The following CPNE4 variants were observed in gnomAD, a reference collection of about 807,000 sequenced individuals.
CPNE4 encodes copine-4.
Under a neutral mutation model 67.9 loss-of-function variants are expected in CPNE4, and 25 were observed. That is an observed-to-expected ratio of 0.37 (90% CI 0.27 to 0.51). The LOEUF (loss-of-function observed/expected upper bound fraction) is 0.51. CPNE4 is among the 20% of genes least tolerant of loss of function. CPNE4 has a pLI of 0.93. For missense variants in CPNE4, 464 were observed against 690.8 expected (o/e 0.67, Z 3.68); for synonymous variants, 242 against 244.9 (o/e 0.99, Z 0.11).
upstream of CPNE4, among the ~76,000 whole-genome samples, chr3:132,037,093 A>G (rs1404133066): frequency 6.6e-6 from 1 of 152,240 alleles, no homozygotes; most frequent in Non-Finnish European, 1.5e-5. Context: ...GAACACATGG[A>G]CCATAGAAAA....
intron 6 of CPNE4, among the ~76,000 whole-genome samples, chr3:131,685,618 C>T (rs946368480): frequency 5.9e-5 from 9 of 152,088 alleles, no homozygotes; most frequent in Non-Finnish European, 1.3e-4. Context: ...CCCATCTCTA[C>T]TAAAAATACA....
intron 2 of CPNE4, among the ~76,000 whole-genome samples, chr3:131,798,060 A>T (rs1239590283): frequency 6.6e-6 from 1 of 152,130 alleles, no homozygotes; most frequent in Non-Finnish European, 1.5e-5. Context: ...TTATAAGGGC[A>T]CCAGCCCTAT....
At chr3:131,986,747 T>A (rs1270917205) in intron 1 of CPNE4, among the ~76,000 whole-genome samples, 1 of 150,450 alleles carries the variant, frequency 6.6e-6, no homozygotes, top group East Asian at 2.0e-4. Context: ...ATATAAAAAA[T>A]TAGAAGCCGG....
chr3:132,002,959 GAGT>G (rs2073494707), intron 1 of CPNE4, among the ~76,000 whole-genome samples: 1 of 152,072 alleles, frequency 6.6e-6, no homozygotes, highest in African/African-American at 2.4e-5. Flanking sequence ...CCTGGAACCT[GAGT>G]AGAAATGCAG....
chr3:131,655,107 T>G (rs1189872735), intron 7 of CPNE4, among the ~76,000 whole-genome samples: 6 of 152,124 alleles, frequency 3.9e-5, no homozygotes. Context: ...GATGGGTGAA[T>G]TGAGGGAAAT....
At chr3:131,656,394 C>G (rs17358804) in intron 7 of CPNE4, among the ~76,000 whole-genome samples, 1 of 151,904 alleles carries the variant, frequency 6.6e-6, no homozygotes, top group Non-Finnish European at 1.5e-5. Flanking sequence ...TCACTAGCAT[C>G]GATATATGTG....
At chr3:131,842,746 A>AAAAAAAAAAAAAAAAG (rs1553784371) in intron 2 of CPNE4, among the ~76,000 whole-genome samples, 1 of 149,702 alleles carries the variant, frequency 6.7e-6, no homozygotes, top group Non-Finnish European at 1.5e-5. Context: ...AAAAAAAAAA[A>AAAAAAAAAAAAAAAAG]AAAGAAAAAG....
chr3:131,779,529 A>G (rs543105808), intron 2 of CPNE4, among the ~76,000 whole-genome samples: 53 of 152,252 alleles, frequency 3.5e-4, no homozygotes, highest in Non-Finnish European at 7.1e-4. Flanking sequence ...AAATAAAGCC[A>G]TACACCTACA....
At chr3:131,980,472 C>T (rs2072877839) in intron 1 of CPNE4, among the ~76,000 whole-genome samples, 1 of 152,016 alleles carries the variant, frequency 6.6e-6, no homozygotes, top group Non-Finnish European at 1.5e-5. Flanking sequence ...TTTTCTTCTA[C>T]TTGTTCAATT....
Position 131,718,465 on chromosome 3 carries a change from G to A in CPNE4, c.360+4981C>T, listed in dbSNP as rs73220434. Among the ~76,000 whole-genome samples the A allele has an allele frequency of 9.3e-3, 1,421 of 152,196 alleles. 10 individuals carry two copies. Among genetic ancestry groups the A allele is most frequent in the Non-Finnish European group, 0.015 (1,045 of 68,010 alleles). On this transcript the variant is annotated intron_variant, in intron 3 of 15. Coordinates refer to ENST00000429747, the MANE Select transcript of CPNE4 (RefSeq NM_130808.3). ...CATCCTCACTTGACCGCTCACCCAC[G>A]CTAAGTCACTTAAGAGTTCTCTGTC...
chr3:131,617,492 G>A (rs1202230939), intron 7 of CPNE4, among the ~76,000 whole-genome samples: 1 of 152,058 alleles, frequency 6.6e-6, no homozygotes, highest in Non-Finnish European at 1.5e-5. Flanking sequence ...CTCTTTTTTG[G>A]AAACTCAGAT....
rs547601040 is a variant in CPNE4, at chr3:131,619,570, G to C, written c.682-31988C>G. 4.6e-5 allele frequency among the ~76,000 whole-genome samples: 7 copies of C among 152,284 alleles called. No individual in the cohort carries two copies. The East Asian group carries it at 1.4e-3, about 29-fold the overall frequency. On this transcript the variant is annotated intron_variant, in intron 7 of 15. Coordinates refer to ENST00000429747, the MANE Select transcript of CPNE4 (RefSeq NM_130808.3). ...ATGAACTCTTCATTTTACAGGATCA[G>C]AGTAGCTAAGTAACTTTTCCAAGTT...
chr3:131,905,509 A>G (rs2088712638), intron 1 of CPNE4, 65 bp from the exon 2 acceptor site: 3 of 1,417,114 alleles, frequency 2.1e-6, no homozygotes, highest in Admixed American at 2.3e-5. Flanking sequence ...TCAAAGGAGA[A>G]AGCCTCCCAA....
chr3:131,613,150 C>T (rs1391787098), intron 7 of CPNE4, among the ~76,000 whole-genome samples: 1 of 152,156 alleles, frequency 6.6e-6, no homozygotes, highest in Non-Finnish European at 1.5e-5. Context: ...AAACAGAGTA[C>T]ATCTGAGGCT....
chr3:131,721,007 TAGAA>T (rs2081869878), intron 3 of CPNE4, among the ~76,000 whole-genome samples: 5 of 152,222 alleles, frequency 3.3e-5, no homozygotes, highest in Admixed American at 3.3e-4. Flanking sequence ...TCACTTCTCT[TAGAA>T]AGCCTTATTT....
At chr3:131,881,066 A>G (rs957851887) in intron 2 of CPNE4, among the ~76,000 whole-genome samples, 1 of 152,148 alleles carries the variant, frequency 6.6e-6, no homozygotes, top group Non-Finnish European at 1.5e-5. Flanking sequence ...AAACAAAGAA[A>G]ATGTTCACAG....
intron 1 of CPNE4, among the ~76,000 whole-genome samples, chr3:132,016,343 G>A (rs891634919): frequency 2.0e-5 from 3 of 152,256 alleles, no homozygotes; most frequent in South Asian, 4.1e-4. Flanking sequence ...TTCAACCACC[G>A]ATCTAGGACT....
intron 15 of CPNE4, among the ~76,000 whole-genome samples, chr3:131,537,844 C>CCTAA (rs1179454107): frequency 3.3e-5 from 5 of 152,072 alleles, no homozygotes; most frequent in African/African-American, 9.7e-5. Flanking sequence ...GCAATGAGCC[C>CCTAA]CTAACTTCTA....
chr3:131,675,561 A>G (rs2080534321), intron 6 of CPNE4, among the ~76,000 whole-genome samples: 2 of 152,108 alleles, frequency 1.3e-5, no homozygotes, highest in East Asian at 1.9e-4. Context: ...ATCATTATAT[A>G]ATTTTTTTCT....
Sources: gnomAD v4.1 joint callset for allele counts (sites outside exome capture counted in the v4.1 genomes callset) on GRCh38, gnomAD v4.1.1 for gene constraint, MANE v1.5 for transcripts, NCBI Gene and HGNC (gene_info 2026-07-23, HGNC 2026-07-21) for gene names.